Variants in CHLSN observed in about 807,000 individuals in gnomAD.
CHLSN encodes protein cholesin.
the CHLSN span, among the ~76,000 whole-genome samples, chr7:1,001,713 GTGGGTTAGTGGAGT>G: frequency 1.2e-4 from 14 of 114,158 alleles, no homozygotes; most frequent in African/African-American, 2.9e-4. Context: ...GGGGAGTCCT[GTGGGTTAGTGGAGT>G]CCTGTGGGTG....
chr7:988,458 G>A, the CHLSN span: 1 of 1,609,996 alleles, frequency 6.2e-7, no homozygotes, highest in Non-Finnish European at 8.5e-7. Context: ...GGCACCTCCA[G>A]GGCTCCAGGG....
At chr7:984,570 T>C in the CHLSN span, 3 of 1,560,140 alleles carry the variant, frequency 1.9e-6, no homozygotes, top group African/African-American at 2.7e-5. Flanking sequence ...TCCAGCGAGG[T>C]GGAGGTCGGT....
chr7:999,789 G>T, the CHLSN span, among the ~76,000 whole-genome samples: 5 of 152,210 alleles, frequency 3.3e-5, no homozygotes, highest in Admixed American at 6.5e-5. Context: ...GAGGCAGGAG[G>T]CACTGCCCAC....
the CHLSN span, chr7:1,092,468 ACCG>A: frequency 1.0e-5 from 16 of 1,608,026 alleles, no homozygotes; most frequent in Non-Finnish European, 1.4e-5. Context: ...GCGCACCGGC[ACCG>A]TGGGCTGCGG....
chr7:1,084,577 C>A, the CHLSN span, among the ~76,000 whole-genome samples: 1 of 152,188 alleles, frequency 6.6e-6, no homozygotes, highest in Non-Finnish European at 1.5e-5. Flanking sequence ...GCAGTGCCGC[C>A]CCACCCTTGC....
the CHLSN span, chr7:1,024,821 G>C: frequency 6.6e-6 from 1 of 152,280 alleles, no homozygotes; most frequent in East Asian, 1.9e-4. Context: ...CGGCTATTTA[G>C]ACTTGATGCA....
chr7:986,745 G>A, the CHLSN span: 2 of 1,607,756 alleles, frequency 1.2e-6, no homozygotes, highest in Non-Finnish European at 1.7e-6. Context: ...CCCCACGTGT[G>A]CCCGGGGGAC....
the CHLSN span, among the ~76,000 whole-genome samples, chr7:1,054,718 C>T: frequency 6.6e-6 from 1 of 152,220 alleles, no homozygotes; most frequent in African/African-American, 2.4e-5. Flanking sequence ...GCGGTTCCAC[C>T]TGCAGGAGAG....
At chr7:1,070,543 G>A in the CHLSN span, among the ~76,000 whole-genome samples, 12 of 146,030 alleles carry the variant, frequency 8.2e-5, no homozygotes, top group African/African-American at 2.5e-4. Context: ...CACGTGCACA[G>A]GGACACACGC....
At chr7:1,022,899 G>A in the CHLSN span, 3 of 410,704 alleles carry the variant, frequency 7.3e-6, no homozygotes, top group Admixed American at 2.9e-5. Flanking sequence ...GCGCGGCGAC[G>A]TCTCCGCGGC....
At chr7:1,036,282 A>T in the CHLSN span, among the ~76,000 whole-genome samples, 8 of 149,822 alleles carry the variant, frequency 5.3e-5, no homozygotes, top group Admixed American at 3.3e-4. Context: ...TGCTGTGGCC[A>T]TGTAGGGTTC....
the CHLSN span, among the ~76,000 whole-genome samples, chr7:1,022,720 G>A: frequency 6.6e-6 from 1 of 152,150 alleles, no homozygotes; most frequent in African/African-American, 2.4e-5. Flanking sequence ...AAATAAACAA[G>A]CTCTCAAATT....
the CHLSN span, among the ~76,000 whole-genome samples, chr7:1,125,473 T>C: frequency 6.6e-6 from 1 of 152,202 alleles, no homozygotes; most frequent in Non-Finnish European, 1.5e-5. Context: ...TGAACAAATG[T>C]AACAAGCCAG....
At chr7:1,107,828 A>G in the CHLSN span, among the ~76,000 whole-genome samples, 50 of 121,618 alleles carry the variant, frequency 4.1e-4, no homozygotes, top group South Asian at 8.6e-4. Flanking sequence ...GCTGTGTCCC[A>G]CACTGGAGAC....
chr7:1,055,737 T>G, the CHLSN span, among the ~76,000 whole-genome samples: 1 of 152,056 alleles, frequency 6.6e-6, no homozygotes, highest in Admixed American at 6.5e-5. Context: ...CTCCTGTCAG[T>G]GACTGGAGGC....
chr7:1,048,850 T>C, the CHLSN span, among the ~76,000 whole-genome samples: 2 of 152,180 alleles, frequency 1.3e-5, no homozygotes, highest in Non-Finnish European at 2.9e-5. Context: ...TGGAGCAGGT[T>C]CTCCTTCTCA....
At chr7:1,129,379 C>G in the CHLSN span, among the ~76,000 whole-genome samples, 45 of 42,346 alleles carry the variant, frequency 1.1e-3, 4 homozygotes, top group African/African-American at 7.6e-3. Flanking sequence ...CATCTCGGCT[C>G]ATCCCACCGT....
chr7:1,134,737 C>T, the CHLSN span, among the ~76,000 whole-genome samples: 28 of 151,140 alleles, frequency 1.9e-4, no homozygotes, highest in African/African-American at 6.8e-4. Flanking sequence ...GGCATAGTGG[C>T]GGGTGCCTGT....
chr7:1,063,172 A>C, the CHLSN span, among the ~76,000 whole-genome samples: 1 of 152,172 alleles, frequency 6.6e-6, no homozygotes, highest in African/African-American at 2.4e-5. Flanking sequence ...AGATGAACAC[A>C]GCTCTGACAC....
Sources: allele counts gnomAD v4.1 joint callset (sites outside exome capture counted in the v4.1 genomes callset), GRCh38; gene constraint gnomAD v4.1.1; transcripts MANE v1.5; gene names NCBI Gene and HGNC (gene_info 2026-07-23, HGNC 2026-07-21).